PACSIN2: variants seen among roughly 807,000 people sequenced by gnomAD.
PACSIN2 encodes the protein protein kinase C and casein kinase substrate in neurons 2, also known as protein kinase C and casein kinase substrate in neurons protein 2.
In PACSIN2, 25 loss-of-function variants were observed where a neutral mutation model predicts 63.8. The ratio of observed to expected loss-of-function variants is 0.39; its 90% CI spans 0.29 to 0.55. The LOEUF (loss-of-function observed/expected upper bound fraction) is 0.55, where lower values mean the gene tolerates loss of function less well. Among genes scored for constraint, PACSIN2 ranks in the 20% least tolerant of loss-of-function variants. PACSIN2 has a pLI of 0.62. For synonymous variants in PACSIN2, 255 were observed against 256.2 expected (o/e 1.00, Z 0.05); for missense variants, 518 against 646.9 (o/e 0.80, Z 2.16).
chr22:43,007,189 T>C (rs1924145469), intron 1 of PACSIN2, among the ~76,000 whole-genome samples: 1 of 150,988 alleles, frequency 6.6e-6, no homozygotes, highest in Non-Finnish European at 1.5e-5. Flanking sequence ...TCCCTGCCCC[T>C]AGCAGCCCCT....
chr22:42,876,842 GAC>G, intron 9 of PACSIN2, 44 bp downstream of exon 9: 3 of 1,612,848 alleles, frequency 1.9e-6, no homozygotes, highest in Non-Finnish European at 2.5e-6. Context: ...GAGGAAGAGA[GAC>G]AGAGTGAGCG....
chr22:42,928,962 C>G (rs1349010294), intron 1 of PACSIN2, among the ~76,000 whole-genome samples: 5 of 152,220 alleles, frequency 3.3e-5, no homozygotes, highest in Admixed American at 3.3e-4. Context: ...TGGGATTCAA[C>G]AAGCTCTTAG....
chr22:42,929,857 C>T lies in PACSIN2; in HGVS notation c.-77-17700G>A, dbSNP rs530766956. On this transcript the variant is annotated intron_variant, in intron 1 of 10. Coordinates refer to ENST00000263246, the MANE Select transcript of PACSIN2 (RefSeq NM_001184970.3). ...TATTCTTTAAGATCAAGATCAGATGCCACCTCTTTCATAAAGACTTCCTTT... is the reference window on the plus strand; with the variant it reads ...TATTCTTTAAGATCAAGATCAGATGTCACCTCTTTCATAAAGACTTCCTTT... Among the ~76,000 whole-genome samples the T allele has an allele frequency of 1.6e-4, 24 of 152,288 alleles. No individual in the cohort carries two copies. The South Asian group carries it at 5.0e-3, about 32-fold the overall frequency.
At chr22:42,983,011 T>C (rs1026467619) in intron 1 of PACSIN2, among the ~76,000 whole-genome samples, 9 of 151,086 alleles carry the variant, frequency 6.0e-5, no homozygotes, top group Non-Finnish European at 1.3e-4. Context: ...TGAAACCCCA[T>C]CTCTACTAAA....
At chr22:42,933,091 A>G (rs1251132244) in intron 1 of PACSIN2, among the ~76,000 whole-genome samples, 1 of 152,200 alleles carries the variant, frequency 6.6e-6, no homozygotes. Flanking sequence ...AAGTTCCCAT[A>G]ATTAAGTCCA....
intron 1 of PACSIN2, among the ~76,000 whole-genome samples, chr22:42,925,481 A>G (rs1195124837): frequency 7.5e-6 from 1 of 132,480 alleles, no homozygotes; most frequent in African/African-American, 2.9e-5. Flanking sequence ...CTCCGTCTTT[A>G]AAAAAAAAAA....
chr22:42,896,682 A>G (rs904143828), intron 2 of PACSIN2, among the ~76,000 whole-genome samples: 4 of 152,182 alleles, frequency 2.6e-5, no homozygotes, highest in African/African-American at 9.7e-5. Flanking sequence ...GTTTAACAAA[A>G]CTGCCGAACT....
chr22:42,962,526 C>G (rs1404562103), intron 1 of PACSIN2, among the ~76,000 whole-genome samples: 1 of 147,164 alleles, frequency 6.8e-6, no homozygotes, highest in Non-Finnish European at 1.5e-5. Context: ...TAATAAAAAG[C>G]TGAACTTGGA....
chr22:42,912,150 A>T lies in PACSIN2; in HGVS notation c.-70T>A, dbSNP rs1931504553. The T allele has an allele frequency of 9.8e-7, 1 of 1,025,200 alleles. No individual in the cohort carries two copies. The highest frequency in any genetic ancestry group is 1.5e-6 in the Non-Finnish European group (1 of 686,692). 63.5% of individuals were successfully genotyped at this position (1,025,200 alleles called of 1,614,324 possible). A position where few individuals can be genotyped will look rare whatever the true frequency, so the allele number is the denominator to read the frequency against. On this transcript the variant is annotated 5_prime_UTR_variant, in exon 2 of 11. Transcript: ENST00000263246. Reference sequence around the variant, plus strand: ...TCAACTTCGAACGCTCAAAATCTGTAGACAAACCTATAAATGAAAAACATA... The same window carrying T: ...TCAACTTCGAACGCTCAAAATCTGTTGACAAACCTATAAATGAAAAACATA...
Position 42,871,276 on chromosome 22 carries a change from A to C in PACSIN2, c.*81T>G, listed in dbSNP as rs1411420102. The C allele has an allele frequency of 1.2e-6, 1 of 835,994 alleles. No individual in the cohort carries two copies. Among genetic ancestry groups the C allele is most frequent in the Non-Finnish European group, 2.1e-6 (1 of 478,988 alleles). The allele number at this position is 835,994 out of a possible 1,614,324, so 51.8% of individuals were successfully genotyped here. A position where few individuals can be genotyped will look rare whatever the true frequency, so the allele number is the denominator to read the frequency against. ...CAATGGAACCATCATCTCTTGCAGG[A>C]AAAGGAGTGGATGCCCACGTGGCTG... On this transcript the variant is annotated 3_prime_UTR_variant, in exon 11 of 11. Transcript: ENST00000263246. The surrounding 1 kb of genome is among the most constrained non-coding windows in gnomAD (Gnocchi z 5.4).
rs367767535 is a variant in PACSIN2 at position 42,912,036 on chromosome 22, G to A, written c.45C>T (p.Ser15=). The A allele has an allele frequency of 5.7e-5, 92 of 1,606,354 alleles. No individual in the cohort carries two copies. The African/African-American group carries it at 1.0e-3, about 18-fold the overall frequency. The change falls in exon 2 of 11, where the codon AGC becomes AGT. Residue 15 remains serine, a synonymous_variant. Coordinates refer to ENST00000263246, the MANE Select transcript of PACSIN2 (RefSeq NM_001184970.3). ...YDDSVGVEVS[S]DSFWEVGNYK... Reference sequence around the variant, plus strand: ...GGTGCATTACCTCCCAGAAGCTGTCGCTGGACACTTCTACTCCAACGGAAT... The same window carrying A: ...GGTGCATTACCTCCCAGAAGCTGTCACTGGACACTTCTACTCCAACGGAAT...
At chr22:42,947,495 C>A (rs1933476135) in intron 1 of PACSIN2, among the ~76,000 whole-genome samples, 1 of 152,136 alleles carries the variant, frequency 6.6e-6, no homozygotes, top group Non-Finnish European at 1.5e-5. Context: ...TTCAGAGGCT[C>A]TTCCCTACCC....
intron 4 of PACSIN2, among the ~76,000 whole-genome samples, chr22:42,890,192 G>A (rs1602190537): frequency 6.6e-6 from 1 of 152,054 alleles, no homozygotes; most frequent in East Asian, 2.0e-4. Context: ...AGTAGAGATG[G>A]GGTTTCATCA....
chr22:42,950,520 C>T (rs17003435), intron 1 of PACSIN2, among the ~76,000 whole-genome samples: 4,489 of 130,178 alleles, frequency 0.034, 218 homozygotes, highest in African/African-American at 0.12. Flanking sequence ...TGACGATTCA[C>T]GCTGCTGTCC....
intron 1 of PACSIN2, among the ~76,000 whole-genome samples, chr22:43,012,882 G>A (rs1290734877): frequency 6.6e-6 from 1 of 152,108 alleles, no homozygotes; most frequent in Non-Finnish European, 1.5e-5. Context: ...TCGAACTCCC[G>A]ACCTCTGGTG....
chr22:42,963,075 C>G (rs1035942260), intron 1 of PACSIN2, among the ~76,000 whole-genome samples: 34 of 152,338 alleles, frequency 2.2e-4, no homozygotes, highest in African/African-American at 8.2e-4. Flanking sequence ...AGAGCCTAAG[C>G]TGGAATTCCA....
chr22:42,949,365 CA>C (rs1933575845), intron 1 of PACSIN2, among the ~76,000 whole-genome samples: 1 of 152,120 alleles, frequency 6.6e-6, no homozygotes, highest in Admixed American at 6.5e-5. Context: ...ATGGCTTTGG[CA>C]AGCAGGACTT....
intron 1 of PACSIN2, among the ~76,000 whole-genome samples, chr22:42,951,787 C>T (rs988437811): frequency 6.6e-6 from 1 of 152,196 alleles, no homozygotes; most frequent in Non-Finnish European, 1.5e-5. Context: ...TATTGATACT[C>T]CCCACCCTGA....
At chr22:42,995,070 G>A (rs1166585820) in intron 1 of PACSIN2, among the ~76,000 whole-genome samples, 2 of 152,202 alleles carry the variant, frequency 1.3e-5, no homozygotes, top group African/African-American at 4.8e-5. Flanking sequence ...AGGGGACAAT[G>A]TCCCCCCTCC....
Sources: allele counts gnomAD v4.1 joint callset (sites outside exome capture counted in the v4.1 genomes callset), GRCh38; gene constraint gnomAD v4.1.1; non-coding constraint Gnocchi (gnomAD v3.1); transcripts MANE v1.5; gene names NCBI Gene and HGNC (gene_info 2026-07-23, HGNC 2026-07-21).